Variants in PLEKHA7 observed in about 807,000 individuals in gnomAD.
PLEKHA7 encodes the protein pleckstrin homology domain containing A7.
In PLEKHA7, 104 loss-of-function variants were observed where a neutral mutation model predicts 170.0. That is an observed-to-expected ratio of 0.61 (90% CI 0.52 to 0.72). PLEKHA7 has a LOEUF of 0.72. PLEKHA7 is among the 30% of genes least tolerant of loss of function. The pLI is 0.00. For missense variants in PLEKHA7, 1,615 were observed against 1,671.7 expected (o/e 0.97, Z 0.59); for synonymous variants, 648 against 660.8 (o/e 0.98, Z 0.30).
chr11:16,925,565 G>A (rs888822502), intron 3 of PLEKHA7, among the ~76,000 whole-genome samples: 2 of 152,156 alleles, frequency 1.3e-5, no homozygotes, highest in African/African-American at 4.8e-5. Flanking sequence ...GACCCCCAGC[G>A]TGGCGGGGCA....
chr11:16,798,179 G>C (rs1035206411), intron 17 of PLEKHA7, among the ~76,000 whole-genome samples: 1 of 152,360 alleles, frequency 6.6e-6, no homozygotes, highest in African/African-American at 2.4e-5. Flanking sequence ...TGCACATGGG[G>C]CTGCAAGTGC....
At chr11:16,794,337 C>T (rs2134269088) in intron 19 of PLEKHA7, 151 bp downstream of exon 19, 2 of 740,056 alleles carry the variant, frequency 2.7e-6, no homozygotes, top group Non-Finnish European at 4.7e-6. Context: ...CAGGGAAATA[C>T]TACTTTTTAA....
rs1427126284 is a variant in PLEKHA7 at position 16,801,892 on chromosome 11, C to G, written c.2158-75G>C. 3.8e-6 allele frequency: 6 copies of G among 1,581,366 alleles called. No individual in the cohort carries two copies. The South Asian group carries it at 5.6e-5, about 15-fold the overall frequency. On this transcript the variant is annotated intron_variant, in intron 15 of 26. Transcript: ENST00000531066. ...AGGCCTCCCCATACCACACCAGGAA[C>G]CAAAGCTACTGGACCTAACCAAGGC...
In PLEKHA7 at chr11:16,820,708, C is replaced by T. The variant is rs566269337; in HGVS notation, c.1344-3386G>A. The stretch of plus-strand genomic sequence containing the variant: ...CCTTCCTGCCTGGCTCTGCAGCTCA[C>T]TCCCCTTGCCTGCCTACAGTGCCTG... On this transcript the variant is annotated intron_variant, in intron 10 of 26. Transcript: ENST00000531066. Among the ~76,000 whole-genome samples the T allele has an allele frequency of 3.9e-5, 6 of 152,362 alleles. No homozygotes were observed. In the South Asian group the frequency reaches 1.0e-3, roughly 26 times the overall value.
intron 26 of PLEKHA7, chr11:16,781,347 G>A (rs1849008050): frequency 6.6e-6 from 1 of 152,598 alleles, no homozygotes; most frequent in Admixed American, 6.5e-5. Flanking sequence ...GCCGCAGCAT[G>A]TTAGGGCTGG....
chr11:16,869,207 T>C lies in PLEKHA7; in HGVS notation c.305+1892A>G, dbSNP rs531391666. On this transcript the variant is annotated intron_variant, in intron 4 of 26. Transcript: ENST00000531066. The stretch of plus-strand genomic sequence containing the variant: ...CAATCTTTACCTTCCACTCACTCTC[T>C]TTACTAGTATTAATGCTTCCAAAGT... Among the ~76,000 whole-genome samples, 173 of 152,316 alleles carry C rather than the reference T, an allele frequency of 1.1e-3. 2 individuals carry two copies. Among genetic ancestry groups the C allele is most frequent in the Non-Finnish European group, 2.3e-3 (157 of 68,018 alleles).
intron 3 of PLEKHA7, among the ~76,000 whole-genome samples, chr11:16,942,062 A>G (rs777712007): frequency 5.9e-5 from 9 of 152,236 alleles, no homozygotes; most frequent in Non-Finnish European, 7.3e-5. Flanking sequence ...AGGATCTTAC[A>G]TGTATTTGCT....
rs148655622 is a variant in PLEKHA7 at position 16,822,995 on chromosome 11, T to A, written c.1343+3125A>T. 9.0e-3 allele frequency among the ~76,000 whole-genome samples: 1,373 copies of A among 151,982 alleles called. 14 individuals carry two copies. Among genetic ancestry groups the A allele is most frequent in the Middle Eastern group, 0.024 (7 of 294 alleles). The stretch of plus-strand genomic sequence containing the variant: ...TTGTATGTATGTATTATTTATTTAT[T>A]TATTTATTTATTTTTTGGAGACAGG... On this transcript the variant is annotated intron_variant, in intron 10 of 26. Coordinates refer to ENST00000531066, the MANE Select transcript of PLEKHA7 (RefSeq NM_001329630.2).
At chr11:16,937,095 A>C (rs1287837561) in intron 3 of PLEKHA7, among the ~76,000 whole-genome samples, 4 of 152,208 alleles carry the variant, frequency 2.6e-5, no homozygotes, top group Non-Finnish European at 5.9e-5. Context: ...TGTTATTAAC[A>C]ATCTCCAAAT....
At chr11:16,980,141 TC>T (rs1863335802) in intron 3 of PLEKHA7, among the ~76,000 whole-genome samples, 1 of 152,188 alleles carries the variant, frequency 6.6e-6, no homozygotes, top group Non-Finnish European at 1.5e-5. Flanking sequence ...TCAAAGAAAC[TC>T]AGTCCAGCAT....
intron 8 of PLEKHA7, 101 bp downstream of exon 8, chr11:16,851,090 G>T: frequency 3.6e-6 from 3 of 828,410 alleles, no homozygotes; most frequent in South Asian, 2.5e-5. Flanking sequence ...AAACTCTCTA[G>T]CTTCTTCCCC....
At chr11:16,862,917 A>T (rs1049157518) in intron 4 of PLEKHA7, among the ~76,000 whole-genome samples, 2 of 151,964 alleles carry the variant, frequency 1.3e-5, no homozygotes, top group Non-Finnish European at 2.9e-5. Context: ...CTAGCCCAAG[A>T]CTGCCAGCAT....
chr11:16,959,986 C>T (rs1242538892), intron 3 of PLEKHA7, among the ~76,000 whole-genome samples: 1 of 152,180 alleles, frequency 6.6e-6, no homozygotes, highest in African/African-American at 2.4e-5. Flanking sequence ...AAGGGATCTA[C>T]TGACAGACCA....
chr11:16,944,905 T>C (rs934129581), intron 3 of PLEKHA7, among the ~76,000 whole-genome samples: 9 of 152,238 alleles, frequency 5.9e-5, no homozygotes, highest in African/African-American at 1.4e-4. Context: ...GTTCATGTTA[T>C]TGTTAAGCCT....
intron 3 of PLEKHA7, among the ~76,000 whole-genome samples, chr11:16,940,332 G>C (rs1366838193): frequency 7.2e-6 from 1 of 138,926 alleles, no homozygotes; most frequent in Non-Finnish European, 1.5e-5. Flanking sequence ...TGTCACCCAA[G>C]GCTAGAGTGC....
In PLEKHA7 at chr11:16,826,481, C is replaced by A; in HGVS notation, c.982G>T (p.Gly328Cys). The change falls in exon 10 of 27, where the codon GGC becomes TGC. Residue 328 changes from glycine to cysteine, a missense_variant. Transcript: ENST00000531066. Reference protein sequence around the residue: ...PGHTRDCPHRGHDDIVNFERQ... With the variant: ...PGHTRDCPHRCHDDIVNFERQ... ...TCGAAGTTGACAATGTCATCATGGCCACGATGAGGACAATCTCTCGTATGT... is the reference window on the plus strand; with the variant it reads ...TCGAAGTTGACAATGTCATCATGGCAACGATGAGGACAATCTCTCGTATGT... 6.2e-7 allele frequency: 1 copy of A among 1,614,244 alleles called. No homozygotes were observed. The highest frequency in any genetic ancestry group is 8.5e-7 in the Non-Finnish European group (1 of 1,180,058).
At chr11:16,830,905 T>C (rs1292146684) in intron 9 of PLEKHA7, among the ~76,000 whole-genome samples, 1 of 152,242 alleles carries the variant, frequency 6.6e-6, no homozygotes, top group Non-Finnish European at 1.5e-5. Flanking sequence ...AATTTAACCA[T>C]AATTCTTAGT....
At chr11:16,847,324 C>T (rs1027804154) in intron 8 of PLEKHA7, among the ~76,000 whole-genome samples, 2 of 151,906 alleles carry the variant, frequency 1.3e-5, no homozygotes, top group African/African-American at 4.8e-5. Flanking sequence ...GATCTCCTGA[C>T]CTCGTGATCC....
rs1412644868 is a variant in PLEKHA7, at chr11:16,849,980, AGACT to A, written c.696+1207_696+1210del. Among the ~76,000 whole-genome samples the A allele has an allele frequency of 2.6e-5, 4 of 152,278 alleles. No individual in the cohort carries two copies. In the East Asian group the frequency reaches 5.8e-4, roughly 22 times the overall value. ...AGGAAGGAAAGGTAGAAGGAAGATGAGACTGACTTTCCAACCACCAGCACCACTA... is the reference window on the plus strand; with the variant it reads ...AGGAAGGAAAGGTAGAAGGAAGATGAGACTTTCCAACCACCAGCACCACTA... On this transcript the variant is annotated intron_variant, in intron 8 of 26. Transcript: ENST00000531066.
Sources: gnomAD v4.1 joint callset for allele counts (sites outside exome capture counted in the v4.1 genomes callset) on GRCh38, gnomAD v4.1.1 for gene constraint, MANE v1.5 for transcripts, NCBI Gene and HGNC (gene_info 2026-07-23, HGNC 2026-07-21) for gene names.